STARD13: variants seen among roughly 807,000 people sequenced by gnomAD.
STARD13 encodes the protein StAR related lipid transfer domain containing 13, also known as stAR-related lipid transfer protein 13.
Under a neutral mutation model 106.4 loss-of-function variants are expected in STARD13, and 62 were observed. The ratio of observed to expected loss-of-function variants is 0.58; its 90% CI spans 0.48 to 0.72. The LOEUF (loss-of-function observed/expected upper bound fraction) is 0.72, where lower values mean the gene tolerates loss of function less well. STARD13 is among the 30% of genes least tolerant of loss of function. STARD13 has a pLI of 0.00. For synonymous variants in STARD13, 565 were observed against 553.0 expected (o/e 1.02, Z -0.31); for missense variants, 1,387 against 1,424.0 (o/e 0.97, Z 0.42).
At chr13:33,311,800 G>A (rs993579089) in intron 1 of STARD13, among the ~76,000 whole-genome samples, 5 of 152,206 alleles carry the variant, frequency 3.3e-5, no homozygotes, top group Non-Finnish European at 5.9e-5. Flanking sequence ...AGCCGTGAGA[G>A]AAGATGAGGC....
At chr13:33,356,122 G>A in the STARD13 span, among the ~76,000 whole-genome samples, 1 of 152,136 alleles carries the variant, frequency 6.6e-6, no homozygotes, top group African/African-American at 2.4e-5. Flanking sequence ...TTACCATATG[G>A]GAGACGTTGG....
At chr13:33,407,405 G>A in the STARD13 span, among the ~76,000 whole-genome samples, 1 of 152,142 alleles carries the variant, frequency 6.6e-6, no homozygotes, top group Non-Finnish European at 1.5e-5. Context: ...GTACCACAAG[G>A]GTAGAATACC....
chr13:33,127,864 AGT>A (rs1169872723), intron 5 of STARD13, among the ~76,000 whole-genome samples: 9 of 101,882 alleles, frequency 8.8e-5, no homozygotes, highest in Admixed American at 1.1e-4. Flanking sequence ...TGTGTGAGTG[AGT>A]GTGTGTGTGT....
chr13:33,570,884 GT>G, the STARD13 span, among the ~76,000 whole-genome samples: 1 of 152,136 alleles, frequency 6.6e-6, no homozygotes. Context: ...CTTATGATAT[GT>G]TTTGGATTTT....
the STARD13 span, among the ~76,000 whole-genome samples, chr13:33,590,454 G>A: frequency 6.6e-6 from 1 of 152,004 alleles, no homozygotes; most frequent in Non-Finnish European, 1.5e-5. Context: ...CAACCCAAAT[G>A]TCCATCAATG....
rs1593956332 is a variant in STARD13 at position 33,143,992 on chromosome 13, A to C, written c.324-1619T>G. 2.0e-5 allele frequency among the ~76,000 whole-genome samples: 3 copies of C among 152,322 alleles called. No homozygotes were observed. In the South Asian group the frequency reaches 6.2e-4, roughly 32 times the overall value. ...TCATCCTTGACATTCAAGATTATGA[A>C]TTATCTCATCTCTCTGGACACCATC... On this transcript the variant is annotated intron_variant, in intron 3 of 13. Coordinates refer to ENST00000336934, the MANE Select transcript of STARD13 (RefSeq NM_178006.4).
At chr13:33,294,434 T>TG (rs1401515263) in intron 1 of STARD13, among the ~76,000 whole-genome samples, 1 of 152,212 alleles carries the variant, frequency 6.6e-6, no homozygotes, top group African/African-American at 2.4e-5. Flanking sequence ...CTTCCTCTGA[T>TG]GGGCCAGTCT....
At chr13:33,537,688 TA>T in the STARD13 span, among the ~76,000 whole-genome samples, 26 of 149,552 alleles carry the variant, frequency 1.7e-4, no homozygotes, top group East Asian at 1.8e-3. Context: ...TTTACTGGCA[TA>T]AAAAAAAAAT....
intron 8 of STARD13, among the ~76,000 whole-genome samples, chr13:33,113,758 G>A (rs1248793044): frequency 6.6e-6 from 1 of 152,156 alleles, no homozygotes; most frequent in East Asian, 1.9e-4. Flanking sequence ...GTGGGTACTG[G>A]TTATGCAGGC....
At chr13:33,542,228 G>C in the STARD13 span, among the ~76,000 whole-genome samples, 239 of 152,270 alleles carry the variant, frequency 1.6e-3, 1 homozygote, top group African/African-American at 5.4e-3. Context: ...AAGATGAACA[G>C]ACCGGGGGAT....
chr13:33,111,963 T>A, intron 9 of STARD13, 71 bp from the exon 10 acceptor site: 1 of 971,866 alleles, frequency 1.0e-6, no homozygotes, highest in Non-Finnish European at 1.6e-6. Context: ...AACTCATCCC[T>A]TTTGTTTTCT....
chr13:33,497,315 C>T, the STARD13 span, among the ~76,000 whole-genome samples: 1 of 152,120 alleles, frequency 6.6e-6, no homozygotes, highest in Admixed American at 6.6e-5. Context: ...TTATTTTGTT[C>T]TCTGAGTAAT....
the STARD13 span, among the ~76,000 whole-genome samples, chr13:33,402,971 G>A: frequency 2.6e-5 from 4 of 152,234 alleles, no homozygotes; most frequent in East Asian, 3.8e-4. Context: ...GCAAGAGCTC[G>A]GGATACAGAA....
chr13:33,429,972 C>G, the STARD13 span, among the ~76,000 whole-genome samples: 1 of 150,176 alleles, frequency 6.7e-6, no homozygotes, highest in Non-Finnish European at 1.5e-5. Flanking sequence ...GGCTGGAGTG[C>G]AGTGGCGCGA....
At chr13:33,557,275 A>C in the STARD13 span, among the ~76,000 whole-genome samples, 16 of 152,018 alleles carry the variant, frequency 1.1e-4, no homozygotes, top group Non-Finnish European at 2.1e-4. Context: ...GCTTACATAC[A>C]TTGAACTTGA....
At chr13:33,566,847 A>G in the STARD13 span, among the ~76,000 whole-genome samples, 1 of 147,946 alleles carries the variant, frequency 6.8e-6, no homozygotes, top group Non-Finnish European at 1.5e-5. Context: ...TTCCTATTTC[A>G]TCTAGCTTAC....
intron 1 of STARD13, among the ~76,000 whole-genome samples, chr13:33,260,687 G>A (rs1052655136): frequency 1.3e-5 from 2 of 152,106 alleles, no homozygotes; most frequent in African/African-American, 4.8e-5. Context: ...CTAATATCTA[G>A]ATATTGCGAC....
chr13:33,310,908 T>C (rs1594248121), intron 1 of STARD13, among the ~76,000 whole-genome samples: 1 of 152,098 alleles, frequency 6.6e-6, no homozygotes. Flanking sequence ...GCACAGCATG[T>C]TACTGTACTG....
At chr13:33,593,410 C>T in the STARD13 span, among the ~76,000 whole-genome samples, 1 of 152,162 alleles carries the variant, frequency 6.6e-6, no homozygotes, top group African/African-American at 2.4e-5. Context: ...GTCTCAAACT[C>T]CTGACCTCAG....
Sources: gnomAD v4.1 joint callset for allele counts (sites outside exome capture counted in the v4.1 genomes callset) on GRCh38, gnomAD v4.1.1 for gene constraint, MANE v1.5 for transcripts, NCBI Gene and HGNC (gene_info 2026-07-23, HGNC 2026-07-21) for gene names.